Variants in CNTNAP2 observed in about 807,000 individuals in gnomAD.
CNTNAP2 encodes the protein contactin-associated protein-like 2.
CNTNAP2 carries 98 observed loss-of-function variants against 155.2 expected under a neutral mutation model. The ratio of observed to expected loss-of-function variants is 0.63; its 90% CI spans 0.54 to 0.75. CNTNAP2 has a LOEUF of 0.75. Ranked by LOEUF, CNTNAP2 falls within the 30% of genes least tolerant of loss-of-function variation. The probability of loss-of-function intolerance (pLI) is 0.00; values close to 1 mark genes in which losing one functional copy is unlikely to be tolerated. For synonymous variants in CNTNAP2, 651 were observed against 631.2 expected, an observed-to-expected ratio of 1.03 and a Z score of -0.47; for missense variants, 1,727 against 1,688.1, an observed-to-expected ratio of 1.02 and a Z score of -0.40.
At chr7:148,273,882 T>C (rs4726940) in intron 21 of CNTNAP2, among the ~76,000 whole-genome samples, 34,301 of 152,154 alleles carry the variant, frequency 0.23, 4,050 homozygotes, top group Non-Finnish European at 0.27. Flanking sequence ...ATCATGATCC[T>C]ACACGACTTT....
chr7:147,331,082 G>A (rs1358482761), intron 9 of CNTNAP2, among the ~76,000 whole-genome samples: 2 of 152,188 alleles, frequency 1.3e-5, no homozygotes, highest in South Asian at 2.1e-4. Context: ...CAGAGCCTAG[G>A]TATATTTGCC....
intron 10 of CNTNAP2, among the ~76,000 whole-genome samples, chr7:147,441,848 T>TCTCCCTCC (rs1554485019): frequency 8.7e-6 from 1 of 114,460 alleles, no homozygotes. Flanking sequence ...TCTCTCTCTC[T>TCTCCCTCC]CTCCCTCCCT....
chr7:148,223,141 A>C (rs1281189785), intron 19 of CNTNAP2, among the ~76,000 whole-genome samples: 2 of 152,262 alleles, frequency 1.3e-5, no homozygotes, highest in African/African-American at 4.8e-5. Flanking sequence ...TATGCCTGCA[A>C]TACTCCCTTA....
At chr7:147,886,637 A>C (rs959859381) in intron 13 of CNTNAP2, among the ~76,000 whole-genome samples, 1 of 152,048 alleles carries the variant, frequency 6.6e-6, no homozygotes, top group Non-Finnish European at 1.5e-5. Context: ...TTTATTGTGC[A>C]GAACTATCTA....
intron 9 of CNTNAP2, among the ~76,000 whole-genome samples, chr7:147,334,260 C>T (rs1173860023): frequency 6.6e-6 from 1 of 152,168 alleles, no homozygotes; most frequent in East Asian, 1.9e-4. Context: ...ATTTCCTTAA[C>T]TTCACAAATA....
intron 21 of CNTNAP2, among the ~76,000 whole-genome samples, chr7:148,367,139 G>A (rs1050466559): frequency 2.0e-5 from 3 of 152,004 alleles, no homozygotes; most frequent in African/African-American, 7.2e-5. Flanking sequence ...GCTGAGGCAG[G>A]AGAATCGATT....
intron 2 of CNTNAP2, among the ~76,000 whole-genome samples, chr7:146,820,821 G>C (rs1306570139): frequency 6.6e-6 from 1 of 152,142 alleles, no homozygotes; most frequent in Non-Finnish European, 1.5e-5. Context: ...AGGTCACTAA[G>C]GACTTCCTTT....
intron 1 of CNTNAP2, among the ~76,000 whole-genome samples, chr7:146,673,278 G>A (rs1800340496): frequency 6.6e-6 from 1 of 152,090 alleles, no homozygotes; most frequent in Admixed American, 6.6e-5. Flanking sequence ...AATCACTTGT[G>A]TGTAAATTTT....
rs1220885838 is a variant in CNTNAP2 at position 147,486,043 on chromosome 7, T to A, written c.1777+2T>A. On this transcript the variant is annotated splice_donor_variant, in intron 11 of 23. Transcript: ENST00000361727. LOFTEE classifies it high-confidence loss of function. ...ACAGTGGGGCCACCTGCCACAACTG[T>A]GAGTGCCAATTTATCTCACTTTAAT... 1 of 1,612,192 alleles carries A rather than the reference T, an allele frequency of 6.2e-7. No individual in the cohort carries two copies. Among genetic ancestry groups the A allele is most frequent in the Non-Finnish European group, 8.5e-7 (1 of 1,178,242 alleles).
At chr7:146,989,170 A>C (rs911340512) in intron 3 of CNTNAP2, among the ~76,000 whole-genome samples, 2 of 152,126 alleles carry the variant, frequency 1.3e-5, no homozygotes, top group Non-Finnish European at 2.9e-5. Context: ...AGGAGCATGT[A>C]GGGGTGCTCT....
chr7:146,639,249 C>T (rs1342296706), intron 1 of CNTNAP2, among the ~76,000 whole-genome samples: 1 of 152,136 alleles, frequency 6.6e-6, no homozygotes, highest in Non-Finnish European at 1.5e-5. Context: ...GCTATTTTTA[C>T]TTGTAAAAGT....
At chr7:146,383,480 C>T (rs544509278) in intron 1 of CNTNAP2, among the ~76,000 whole-genome samples, 4 of 152,106 alleles carry the variant, frequency 2.6e-5, no homozygotes, top group South Asian at 2.1e-4. Context: ...TCTGCATTTA[C>T]GTATTATTTA....
chr7:147,842,565 T>A (rs1358582867), intron 13 of CNTNAP2, among the ~76,000 whole-genome samples: 1 of 145,836 alleles, frequency 6.9e-6, no homozygotes, highest in Non-Finnish European at 1.5e-5. Flanking sequence ...TTCTTTTTTT[T>A]TTTTTTTTAC....
At chr7:146,561,916 G>A (rs1313022594) in intron 1 of CNTNAP2, among the ~76,000 whole-genome samples, 1 of 151,878 alleles carries the variant, frequency 6.6e-6, no homozygotes, top group Non-Finnish European at 1.5e-5. Flanking sequence ...TCAGCCTCCT[G>A]AGTAGCTGGA....
chr7:147,270,243 C>G (rs548862292), intron 8 of CNTNAP2, among the ~76,000 whole-genome samples: 22 of 152,108 alleles, frequency 1.4e-4, no homozygotes, highest in Admixed American at 5.2e-4. Context: ...GCCTATGAAC[C>G]CTTGAAACAC....
At chr7:146,139,075 A>G (rs1419722470) in intron 1 of CNTNAP2, among the ~76,000 whole-genome samples, 1 of 152,092 alleles carries the variant, frequency 6.6e-6, no homozygotes, top group Non-Finnish European at 1.5e-5. Context: ...ACAAGGCAAA[A>G]TCATCTGGCA....
intron 3 of CNTNAP2, among the ~76,000 whole-genome samples, chr7:146,880,544 C>T (rs1289791177): frequency 6.6e-6 from 1 of 152,090 alleles, no homozygotes; most frequent in Non-Finnish European, 1.5e-5. Context: ...GTAGAAAATT[C>T]TACACAACAG....
intron 3 of CNTNAP2, among the ~76,000 whole-genome samples, chr7:146,989,661 A>G (rs893886035): frequency 1.3e-5 from 2 of 152,178 alleles, no homozygotes; most frequent in African/African-American, 2.4e-5. Context: ...AGTGCCTAAC[A>G]TAGGCACTTA....
At chr7:146,394,660 A>G (rs551860301) in intron 1 of CNTNAP2, among the ~76,000 whole-genome samples, 72 of 152,264 alleles carry the variant, frequency 4.7e-4, no homozygotes, top group African/African-American at 1.7e-3. Context: ...TAAAAATATC[A>G]TTTATTATAT....
Sources: allele counts gnomAD v4.1 joint callset (sites outside exome capture counted in the v4.1 genomes callset), GRCh38; gene constraint gnomAD v4.1.1; transcripts MANE v1.5; gene names NCBI Gene and HGNC (gene_info 2026-07-23, HGNC 2026-07-21).